Variants in FREM1 observed in about 807,000 individuals in gnomAD.
The protein encoded by FREM1 is FRAS1 related extracellular matrix 1, also known as FRAS1-related extracellular matrix protein 1.
FREM1 carries 220 observed loss-of-function variants against 210.1 expected under a neutral mutation model. The observed-to-expected ratio is 1.05, with a 90% CI of 0.94 to 1.17. The LOEUF is 1.17. Among genes scored for constraint, FREM1 ranks in the 50% most tolerant of loss-of-function variants. The pLI is 0.00. For missense variants in FREM1, 3,454 were observed against 2,675.5 expected (o/e 1.29, Z -6.42); for synonymous variants, 1,189 against 980.2 (o/e 1.21, Z -3.98).
intron 1 of FREM1, among the ~76,000 whole-genome samples, chr9:14,887,575 G>C (rs1278203078): frequency 1.3e-5 from 2 of 152,198 alleles, no homozygotes; most frequent in Admixed American, 1.3e-4. Flanking sequence ...GATTTTCAGA[G>C]TGAATGTTCT....
chr9:14,738,368 C>T (rs1304450856), intron 36 of FREM1, among the ~76,000 whole-genome samples: 1 of 77,034 alleles, frequency 1.3e-5, no homozygotes, highest in Admixed American at 1.5e-4. Flanking sequence ...TAACATTTTA[C>T]CTTCCCCAAC....
chr9:14,790,166 A>T (rs1851060091), intron 22 of FREM1, among the ~76,000 whole-genome samples: 1 of 152,156 alleles, frequency 6.6e-6, no homozygotes, highest in African/African-American at 2.4e-5. Context: ...GAAGACACTG[A>T]CCTTTCATCT....
At chr9:14,798,352 G>A (rs1174843938) in intron 20 of FREM1, among the ~76,000 whole-genome samples, 1 of 152,180 alleles carries the variant, frequency 6.6e-6, no homozygotes. Flanking sequence ...GTGAGCGCCT[G>A]TAGTCCTAAC....
chr9:14,796,900 G>A (rs1852508394), intron 21 of FREM1, among the ~76,000 whole-genome samples: 1 of 152,160 alleles, frequency 6.6e-6, no homozygotes, highest in Admixed American at 6.6e-5. Context: ...GACTAATACA[G>A]GGAGATACTG....
intron 10 of FREM1, among the ~76,000 whole-genome samples, chr9:14,837,315 G>A (rs1326586890): frequency 6.6e-6 from 1 of 151,996 alleles, no homozygotes; most frequent in Non-Finnish European, 1.5e-5. Context: ...ACCATACTTG[G>A]GGACCTCCTC....
At chr9:14,902,861 T>C (rs1839029841) in intron 1 of FREM1, among the ~76,000 whole-genome samples, 1 of 152,228 alleles carries the variant, frequency 6.6e-6, no homozygotes, top group Admixed American at 6.5e-5. Flanking sequence ...TACTTCCTTT[T>C]GCTGTAGTAA....
intron 22 of FREM1, among the ~76,000 whole-genome samples, chr9:14,791,560 C>G (rs35006983): frequency 6.6e-6 from 1 of 152,160 alleles, no homozygotes; most frequent in Non-Finnish European, 1.5e-5. Context: ...CCATCTGAAC[C>G]TAAACAATAA....
rs746722084 is a variant in FREM1 at position 14,819,379 on chromosome 9, G to T, written c.2401C>A (p.Leu801Ile). The T allele has an allele frequency of 1.9e-6, 3 of 1,613,588 alleles. No homozygotes were observed. The highest frequency in any genetic ancestry group is 2.5e-6 in the Non-Finnish European group (3 of 1,179,616). ...AGCTTGGTATCTGCATCAGAAATTA[G>T]AATGTGCTCTGTGCTGATGATGCTT... ...GQSIISTEHI[L>I]ISDADTKLDN... Residue 801 changes from leucine (L) to isoleucine (I), a missense_variant, in exon 14 of 37, where the codon CTA becomes ATA. Transcript: ENST00000380880.
chr9:14,805,683 A>G (rs144764507), intron 18 of FREM1, among the ~76,000 whole-genome samples: 1 of 152,360 alleles, frequency 6.6e-6, no homozygotes, highest in East Asian at 1.9e-4. Flanking sequence ...GATGTGCATT[A>G]AGTCACCAGA....
chr9:14,814,247 T>G (rs1413916308), intron 15 of FREM1, among the ~76,000 whole-genome samples: 1 of 152,246 alleles, frequency 6.6e-6, no homozygotes, highest in African/African-American at 2.4e-5. Context: ...CCATCTAAAT[T>G]TTAATCAATT....
At chr9:14,853,471 A>G (rs897335424) in intron 5 of FREM1, among the ~76,000 whole-genome samples, 2 of 152,204 alleles carry the variant, frequency 1.3e-5, no homozygotes, top group Non-Finnish European at 2.9e-5. Flanking sequence ...TGAGTGATAG[A>G]TCAATGAATG....
At position 14,748,575 on chromosome 9, in the gene FREM1, C is replaced by G. The variant is rs61745612; in HGVS notation, c.5622G>C (p.Trp1874Cys). ...SKHSTWEKGI[W>C]HLLPPGSSSS... ...AGGAAGACCCTGGGGGCAGCAGATGCCAAATGCCCTTCTCCCATGTGCTGT... is the reference window on the plus strand; with the variant it reads ...AGGAAGACCCTGGGGGCAGCAGATGGCAAATGCCCTTCTCCCATGTGCTGT... The change falls in exon 31 of 37, where the codon TGG becomes TGC. Residue 1874 changes from tryptophan to cysteine, a missense_variant. Transcript: ENST00000380880. 1.6e-4 allele frequency: 257 copies of G among 1,613,844 alleles called. No individual in the cohort carries two copies. In the African/African-American group the frequency reaches 3.0e-3, roughly 19 times the overall value.
chr9:14,814,621 C>T (rs1159281581), intron 15 of FREM1, among the ~76,000 whole-genome samples: 1 of 152,126 alleles, frequency 6.6e-6, no homozygotes, highest in Non-Finnish European at 1.5e-5. Context: ...TTGTTCAAGT[C>T]CCCTGAGTGA....
At chr9:14,814,022 C>T (rs997917673) in intron 15 of FREM1, among the ~76,000 whole-genome samples, 10 of 152,230 alleles carry the variant, frequency 6.6e-5, no homozygotes, top group African/African-American at 2.2e-4. Flanking sequence ...AGTTTTATCC[C>T]GACACACATT....
intron 1 of FREM1, among the ~76,000 whole-genome samples, chr9:14,884,344 G>A (rs950318439): frequency 6.6e-6 from 1 of 152,190 alleles, no homozygotes; most frequent in South Asian, 2.1e-4. Flanking sequence ...CTGCAAATCA[G>A]TTCTGCTCTC....
chr9:14,813,062 T>C lies in FREM1; in HGVS notation c.2643A>G (p.Val881=), dbSNP rs201111795. Residue 881 remains valine (V), a splice_region_variant and synonymous_variant, in exon 16 of 37, where the codon GTA becomes GTG. Transcript: ENST00000380880. ...CTGGTGGCTCATCGTTGACAGGGAA[T>C]ACCTAGGCAATGGAAAAAATGCATG... is the stretch of plus-strand genomic sequence containing the variant. The part of the protein sequence containing the change: ...NSAEFVLHVE[V]FPVNDEPPVL... 5 of 1,592,834 alleles carry C rather than the reference T, an allele frequency of 3.1e-6. No individual in the cohort carries two copies. The highest frequency in any genetic ancestry group is 1.1e-5 in the South Asian group (1 of 88,450).
intron 35 of FREM1, among the ~76,000 whole-genome samples, chr9:14,741,177 G>T (rs1443245397): frequency 6.6e-6 from 1 of 152,010 alleles, no homozygotes; most frequent in Non-Finnish European, 1.5e-5. Context: ...TTTTTGCCTG[G>T]TTAATATCCA....
At chr9:14,799,702 G>A (rs1016280275) in intron 20 of FREM1, among the ~76,000 whole-genome samples, 17 of 151,756 alleles carry the variant, frequency 1.1e-4, no homozygotes, top group African/African-American at 4.1e-4. Context: ...TGTAGCATGT[G>A]GTTTATTGAT....
At chr9:14,799,081 C>A (rs1450482562) in intron 20 of FREM1, among the ~76,000 whole-genome samples, 1 of 152,098 alleles carries the variant, frequency 6.6e-6, no homozygotes, top group Admixed American at 6.5e-5. Flanking sequence ...GAGTTCGAGA[C>A]CAGCCTGGAC....
Sources: allele counts gnomAD v4.1 joint callset (sites outside exome capture counted in the v4.1 genomes callset), GRCh38; gene constraint gnomAD v4.1.1; transcripts MANE v1.5; gene names NCBI Gene and HGNC (gene_info 2026-07-23, HGNC 2026-07-21).